Variants in SPPL3 observed in about 807,000 individuals in gnomAD.
SPPL3 encodes the protein signal peptide peptidase-like 3.
Under a neutral mutation model 42.4 loss-of-function variants are expected in SPPL3, and 5 were observed. The observed-to-expected ratio is 0.12, with a 90% CI of 0.06 to 0.25. The LOEUF (loss-of-function observed/expected upper bound fraction) is 0.25, where lower values mean the gene tolerates loss of function less well. SPPL3 is among the 10% of genes least tolerant of loss of function. The pLI, the probability that SPPL3 is intolerant of heterozygous loss-of-function variation, is 1.00. For synonymous variants in SPPL3, 195 were observed against 181.8 expected (o/e 1.07, Z -0.58); for missense variants, 235 against 489.0 (o/e 0.48, Z 4.90).
At chr12:120,868,888 G>T (rs1279268780) in intron 1 of SPPL3, among the ~76,000 whole-genome samples, 2 of 152,188 alleles carry the variant, frequency 1.3e-5, no homozygotes, top group African/African-American at 4.8e-5. Context: ...CTTAAAGGCT[G>T]TGGAGGTGCC....
chr12:120,824,398 T>G (rs1164661632), intron 1 of SPPL3, among the ~76,000 whole-genome samples: 1 of 152,182 alleles, frequency 6.6e-6, no homozygotes, highest in East Asian at 1.9e-4. Flanking sequence ...TTGGCTATAT[T>G]TTTCACTTAT....
At chr12:120,888,248 G>A (rs1873525086) in intron 1 of SPPL3, among the ~76,000 whole-genome samples, 3 of 151,938 alleles carry the variant, frequency 2.0e-5, no homozygotes, top group Non-Finnish European at 4.4e-5. Flanking sequence ...GCTAATTTTC[G>A]TATTTTTAGT....
chr12:120,767,086 C>T (rs190168736), intron 9 of SPPL3, among the ~76,000 whole-genome samples: 58 of 152,300 alleles, frequency 3.8e-4, no homozygotes, highest in African/African-American at 1.4e-3. Flanking sequence ...GAAATAAATA[C>T]GACAGTCATT....
chr12:120,794,983 T>C lies in SPPL3; in HGVS notation c.102-3426A>G, dbSNP rs549812575. Among the ~76,000 whole-genome samples, 8 of 152,380 alleles carry C rather than the reference T, an allele frequency of 5.3e-5. No homozygotes were observed. In the East Asian group the frequency reaches 9.6e-4, roughly 18 times the overall value. On this transcript the variant is annotated intron_variant, in intron 2 of 10. Transcript: ENST00000353487. ...CCAGTTATATTGTAACATTCATGTA[T>C]AGTATAAACTCCTTACAATAGTTTA...
chr12:120,826,442 G>A (rs1392380162), intron 1 of SPPL3, among the ~76,000 whole-genome samples: 4 of 152,088 alleles, frequency 2.6e-5, no homozygotes, highest in African/African-American at 9.7e-5. Context: ...TCATGTATGT[G>A]GCAGAGACAG....
intron 6 of SPPL3, among the ~76,000 whole-genome samples, chr12:120,771,161 G>A (rs1869106661): frequency 6.6e-6 from 1 of 152,134 alleles, no homozygotes; most frequent in African/African-American, 2.4e-5. Context: ...AAACCCTAAG[G>A]CAGGTTTTAT....
At chr12:120,887,287 G>C (rs1163646922) in intron 1 of SPPL3, among the ~76,000 whole-genome samples, 2 of 152,036 alleles carry the variant, frequency 1.3e-5, no homozygotes, top group Non-Finnish European at 2.9e-5. Flanking sequence ...TTTTAATGTG[G>C]CTACCAGAAA....
intron 2 of SPPL3, among the ~76,000 whole-genome samples, chr12:120,810,266 G>A (rs1158526719): frequency 6.6e-6 from 1 of 152,108 alleles, no homozygotes. Flanking sequence ...ATAGGCATAT[G>A]GCACTGTGCC....
chr12:120,838,161 T>C (rs530360515), intron 1 of SPPL3, among the ~76,000 whole-genome samples: 68 of 152,274 alleles, frequency 4.5e-4, no homozygotes, highest in African/African-American at 1.5e-3. Context: ...TAAAAGGACA[T>C]AGACACGAAA....
rs555886032 is a variant in SPPL3, at chr12:120,786,628, G to A, written c.191-2035C>T. ...AAACTGAATACAAAGGACCTTTCTG[G>A]CGTATTAGATAGAATGCACAGATTT... On this transcript the variant is annotated intron_variant, in intron 3 of 10. Transcript: ENST00000353487. Among the ~76,000 whole-genome samples the A allele has an allele frequency of 1.1e-4, 17 of 152,212 alleles. No individual in the cohort carries two copies. The East Asian group carries it at 3.1e-3, about 28-fold the overall frequency.
At chr12:120,869,811 T>G (rs138873536) in intron 1 of SPPL3, among the ~76,000 whole-genome samples, 95 of 152,286 alleles carry the variant, frequency 6.2e-4, no homozygotes, top group Non-Finnish European at 9.8e-4. Flanking sequence ...TGATTAAACA[T>G]GACTCAAGTA....
intron 1 of SPPL3, among the ~76,000 whole-genome samples, chr12:120,874,994 T>A (rs535238036): frequency 5.9e-5 from 9 of 152,058 alleles, no homozygotes; most frequent in Non-Finnish European, 1.3e-4. Flanking sequence ...CATAAAAAGG[T>A]CATGTGCACG....
At chr12:120,889,066 A>G (rs923026160) in intron 1 of SPPL3, among the ~76,000 whole-genome samples, 1 of 152,072 alleles carries the variant, frequency 6.6e-6, no homozygotes, top group Non-Finnish European at 1.5e-5. Context: ...TGCCCACCTC[A>G]GCCTCCGGAA....
chr12:120,831,385 C>A (rs1453572352), intron 1 of SPPL3, among the ~76,000 whole-genome samples: 1 of 152,180 alleles, frequency 6.6e-6, no homozygotes, highest in South Asian at 2.1e-4. Flanking sequence ...CCAGCACTCA[C>A]CCCAAATTAA....
chr12:120,849,476 G>A (rs1394650498), intron 1 of SPPL3, among the ~76,000 whole-genome samples: 4 of 152,144 alleles, frequency 2.6e-5, no homozygotes, highest in African/African-American at 9.7e-5. Flanking sequence ...ACTAGCAATG[G>A]CCTAAGGTTA....
Position 120,768,477 on chromosome 12 carries a change from T to C in SPPL3, c.621A>G (p.Ser207=). The C allele has an allele frequency of 1.9e-6, 3 of 1,612,718 alleles. No homozygotes were observed. Among genetic ancestry groups the C allele is most frequent in the Non-Finnish European group, 2.5e-6 (3 of 1,179,120 alleles). Residue 207 remains serine (S), a synonymous_variant, in exon 8 of 11, where the codon TCA becomes TCG. Transcript: ENST00000353487. ...TGACGTTGCTATTGAAGATGTAGGC[T>C]GAGAAAAATACCTGCCGAGTTGGAG... ...LIYDVFWVFF[S]AYIFNSNVMV... is the part of the protein sequence containing the mutation.
intron 1 of SPPL3, among the ~76,000 whole-genome samples, chr12:120,850,270 T>A (rs914359596): frequency 2.0e-5 from 3 of 152,174 alleles, no homozygotes; most frequent in Non-Finnish European, 2.9e-5. Context: ...ATGAGTCCTC[T>A]CTGTTGCCCC....
rs762913839 is a variant in SPPL3 at position 120,764,969 on chromosome 12, C to T, written c.*30G>A. 3.4e-5 allele frequency: 54 copies of T among 1,608,600 alleles called. No individual in the cohort carries two copies. The East Asian group carries it at 6.7e-4, about 20-fold the overall frequency. ...ATGAGTTGAGAGAAAAGGACTATGACGGCCATCTGGTCACTTTCCACGTGA... is the reference window on the plus strand; with the variant it reads ...ATGAGTTGAGAGAAAAGGACTATGATGGCCATCTGGTCACTTTCCACGTGA... On this transcript the variant is annotated 3_prime_UTR_variant, in exon 11 of 11. Transcript: ENST00000353487.
chr12:120,785,604 ACT>A (rs1282036406), intron 3 of SPPL3, among the ~76,000 whole-genome samples: 7 of 152,190 alleles, frequency 4.6e-5, no homozygotes, highest in African/African-American at 1.7e-4. Flanking sequence ...TTCCAAATTA[ACT>A]CTATTGAGAT....
Sources: gnomAD v4.1 joint callset for allele counts (sites outside exome capture counted in the v4.1 genomes callset) on GRCh38, gnomAD v4.1.1 for gene constraint, MANE v1.5 for transcripts, NCBI Gene and HGNC (gene_info 2026-07-23, HGNC 2026-07-21) for gene names.